The following RAB3GAP1 variants were observed in gnomAD, a reference collection of about 807,000 sequenced individuals.
The protein encoded by RAB3GAP1 is rab3 GTPase-activating protein catalytic subunit.
RAB3GAP1 carries 86 observed loss-of-function variants against 130.7 expected under a neutral mutation model. That is an observed-to-expected ratio of 0.66 (90% confidence interval 0.55 to 0.79). RAB3GAP1 has a LOEUF of 0.79. Ranked by LOEUF, RAB3GAP1 falls within the 30% of genes least tolerant of loss-of-function variation. RAB3GAP1 has a pLI of 0.00. For synonymous variants in RAB3GAP1, 367 were observed against 401.7 expected (o/e 0.91, Z 1.03); for missense variants, 1,029 against 1,169.4 (o/e 0.88, Z 1.75).
intron 17 of RAB3GAP1, among the ~76,000 whole-genome samples, chr2:135,139,343 C>T (rs1177984099): frequency 6.6e-6 from 1 of 151,970 alleles, no homozygotes; most frequent in East Asian, 1.9e-4. Flanking sequence ...AAGTTCAAGA[C>T]CAGCCTGAGG....
intron 3 of RAB3GAP1, among the ~76,000 whole-genome samples, chr2:135,069,460 A>G (rs886584170): frequency 1.3e-5 from 2 of 149,186 alleles, no homozygotes; most frequent in South Asian, 2.1e-4. Context: ...TGATTTAGTG[A>G]TTTGATTTTT....
At chr2:135,161,688 CAAA>C (rs368652831) in intron 19 of RAB3GAP1, among the ~76,000 whole-genome samples, 2 of 150,734 alleles carry the variant, frequency 1.3e-5, no homozygotes, top group African/African-American at 4.9e-5. Context: ...CTCTCTAAGC[CAAA>C]AAAAAGTCCA....
At chr2:135,067,136 A>G (rs1689344900) in intron 3 of RAB3GAP1, among the ~76,000 whole-genome samples, 1 of 152,228 alleles carries the variant, frequency 6.6e-6, no homozygotes, top group Non-Finnish European at 1.5e-5. Context: ...TAAACTTTAT[A>G]TAAACAGTTT....
intron 18 of RAB3GAP1, among the ~76,000 whole-genome samples, chr2:135,151,804 C>G (rs1266387473): frequency 6.6e-6 from 1 of 152,250 alleles, no homozygotes; most frequent in Non-Finnish European, 1.5e-5. Flanking sequence ...CATCTGACCT[C>G]TAGCTGCCTT....
At chr2:135,055,553 C>T (rs997217270) in intron 2 of RAB3GAP1, among the ~76,000 whole-genome samples, 6 of 151,860 alleles carry the variant, frequency 4.0e-5, no homozygotes, top group Non-Finnish European at 8.8e-5. Context: ...TGATGTGCAC[C>T]TGTAGTCCCA....
At chr2:135,132,654 T>A (rs1456430530) in intron 13 of RAB3GAP1, among the ~76,000 whole-genome samples, 1 of 152,186 alleles carries the variant, frequency 6.6e-6, no homozygotes, top group East Asian at 1.9e-4. Context: ...AATCAAGTGA[T>A]TACTTTTAAG....
At chr2:135,060,027 A>G (rs543262281) in intron 3 of RAB3GAP1, among the ~76,000 whole-genome samples, 1 of 152,318 alleles carries the variant, frequency 6.6e-6, no homozygotes, top group Admixed American at 6.5e-5. Flanking sequence ...ATTAAGGGAA[A>G]TTATTTATTA....
intron 17 of RAB3GAP1, among the ~76,000 whole-genome samples, chr2:135,145,790 A>G (rs1558798482): frequency 1.3e-5 from 2 of 152,192 alleles, no homozygotes; most frequent in African/African-American, 2.4e-5. Context: ...AGATGCAAGG[A>G]TTACTTAGTT....
Position 135,076,479 on chromosome 2 carries a change from T to C in RAB3GAP1, c.151-14519T>C, listed in dbSNP as rs867892155. On this transcript the variant is annotated intron_variant, in intron 3 of 23. Transcript: ENST00000264158. ...AGCATTCATTAGTGTTCATTAGATATTAGAATTTCCTTTTTGATGGCATGT... is the reference window on the plus strand; with the variant it reads ...AGCATTCATTAGTGTTCATTAGATACTAGAATTTCCTTTTTGATGGCATGT... 2.0e-5 allele frequency among the ~76,000 whole-genome samples: 3 copies of C among 152,208 alleles called. No homozygotes were observed. The South Asian group carries it at 6.2e-4, about 32-fold the overall frequency.
chr2:135,149,710 G>A (rs1692115305), intron 17 of RAB3GAP1, among the ~76,000 whole-genome samples: 1 of 152,190 alleles, frequency 6.6e-6, no homozygotes, highest in Non-Finnish European at 1.5e-5. Flanking sequence ...CTGGAGTGCA[G>A]TGGCTCGATC....
At chr2:135,075,204 C>G (rs761431037) in intron 3 of RAB3GAP1, among the ~76,000 whole-genome samples, 2 of 152,118 alleles carry the variant, frequency 1.3e-5, no homozygotes, top group Non-Finnish European at 2.9e-5. Context: ...CCCACTGTTT[C>G]CCTTGTTCTT....
At chr2:135,141,914 G>A (rs543185944) in intron 17 of RAB3GAP1, among the ~76,000 whole-genome samples, 29 of 152,014 alleles carry the variant, frequency 1.9e-4, no homozygotes, top group South Asian at 1.0e-3. Flanking sequence ...GGTCTCTGTC[G>A]TGTGCCAGTA....
chr2:135,102,777 A>T (rs142456791), intron 5 of RAB3GAP1, among the ~76,000 whole-genome samples: 1 of 152,030 alleles, frequency 6.6e-6, no homozygotes, highest in Non-Finnish European at 1.5e-5. Context: ...GCACTATGGG[A>T]TGCCAAGGCG....
intron 9 of RAB3GAP1, among the ~76,000 whole-genome samples, chr2:135,125,651 C>A (rs1691327178): frequency 6.6e-6 from 1 of 152,118 alleles, no homozygotes; most frequent in Admixed American, 6.5e-5. Flanking sequence ...TACTAAGTGA[C>A]TAACAGGGCA....
intron 7 of RAB3GAP1, among the ~76,000 whole-genome samples, chr2:135,117,456 G>GCTTCTTCTTCTTCTTCTT (rs1691010625): frequency 4.8e-5 from 2 of 41,846 alleles, no homozygotes; most frequent in African/African-American, 5.9e-5. Flanking sequence ...TTCTTCTTCT[G>GCTTCTTCTTCTTCTTCTT]CTTCTGCTTC....
chr2:135,118,654 C>T (rs1365736046), intron 7 of RAB3GAP1, among the ~76,000 whole-genome samples: 3 of 152,106 alleles, frequency 2.0e-5, no homozygotes, highest in African/African-American at 7.2e-5. Context: ...TCCATCCTCT[C>T]TAGTGATTCT....
intron 3 of RAB3GAP1, chr2:135,058,291 T>TTA (rs200942941): frequency 1.9e-6 from 1 of 535,084 alleles, no homozygotes; most frequent in Admixed American, 3.1e-5. Context: ...TTTAATAAAG[T>TTA]TATATATATG....
intron 1 of RAB3GAP1, 37 bp downstream of exon 1, chr2:135,052,362 T>C (rs1480851730): frequency 2.5e-6 from 4 of 1,614,168 alleles, no homozygotes; most frequent in Non-Finnish European, 2.5e-6. Context: ...CTTGTCACTA[T>C]CTAAATTCGT....
chr2:135,130,869 G>A, intron 13 of RAB3GAP1, 148 bp downstream of exon 13: 1 of 762,502 alleles, frequency 1.3e-6, no homozygotes, highest in Non-Finnish European at 2.1e-6. Context: ...TAGTTTAGTG[G>A]TGAGAAGGAA....
Sources: allele counts gnomAD v4.1 joint callset (sites outside exome capture counted in the v4.1 genomes callset), GRCh38; gene constraint gnomAD v4.1.1; transcripts MANE v1.5; gene names NCBI Gene and HGNC (gene_info 2026-07-23, HGNC 2026-07-21).